Variants in PLCH2 observed in about 807,000 individuals in gnomAD.
The protein encoded by PLCH2 is 1-phosphatidylinositol 4,5-bisphosphate phosphodiesterase eta-2.
Under a neutral mutation model 134.7 loss-of-function variants are expected in PLCH2, and 98 were observed. The observed-to-expected ratio is 0.73, with a 90% CI of 0.62 to 0.86. PLCH2 has a LOEUF of 0.86. Ranked by LOEUF, PLCH2 falls within the 40% of genes least tolerant of loss-of-function variation. The pLI is 0.00. For missense variants in PLCH2, 1,994 were observed against 1,986.6 expected, an observed-to-expected ratio of 1.00 and a Z score of -0.07; for synonymous variants, 974 against 827.5, an observed-to-expected ratio of 1.18 and a Z score of -3.04.
In PLCH2 at chr1:2,496,995, G is replaced by A. The variant is rs962073844; in HGVS notation, c.2101G>A (p.Ala701Thr). The A allele has an allele frequency of 6.2e-6, 10 of 1,612,850 alleles. No homozygotes were observed. The highest frequency in any genetic ancestry group is 3.3e-5 in the Admixed American group (2 of 59,984). The change falls in exon 15 of 22, where the codon GCC becomes ACC. Residue 701 changes from alanine (A) to threonine (T), a missense_variant. Transcript: ENST00000378486. ...CTACAACCCGCAGCCCTTCTGGAAC[G>A]CCGGCTGCCAAATGGGTGGGTGCGG... ...SNYNPQPFWNAGCQMVALNYQ... is the reference protein window; with the variant it reads ...SNYNPQPFWNTGCQMVALNYQ...
At chr1:2,432,776 C>T (rs756922874) in intron 2 of PLCH2, among the ~76,000 whole-genome samples, 89 of 152,300 alleles carry the variant, frequency 5.8e-4, no homozygotes, top group Non-Finnish European at 9.4e-4. Flanking sequence ...CTTGCCTGGA[C>T]GGACACCGCC....
At chr1:2,484,648 C>T in intron 5 of PLCH2, 30 bp downstream of exon 5, 1 of 1,603,584 alleles carries the variant, frequency 6.2e-7, no homozygotes, top group Non-Finnish European at 8.5e-7. Context: ...TGTTGGGGGG[C>T]CAGCCATCAG....
chr1:2,446,364 G>C lies in PLCH2; in HGVS notation c.115+15735G>C, dbSNP rs115904313. 4.9e-3 allele frequency among the ~76,000 whole-genome samples: 751 copies of C among 152,336 alleles called. 7 individuals carry two copies. Among genetic ancestry groups the C allele is most frequent in the African/African-American group, 0.017 (713 of 41,566 alleles). On this transcript the variant is annotated intron_variant, in intron 2 of 3. Coordinates refer to the PLCH2 transcript ENST00000609981. ...CAGCCCTGCCTGCGATTTGGGGGTT[G>C]AGGCTGGAGTTAAGACCCTGTAGCC...
chr1:2,420,638 G>C, the PLCH2 span, among the ~76,000 whole-genome samples: 1 of 152,220 alleles, frequency 6.6e-6, no homozygotes, highest in African/African-American at 2.4e-5. Context: ...AACTGAGTCA[G>C]AGAGGGAGAG....
intron 2 of PLCH2, 156 bp from the exon 3 acceptor site, chr1:2,479,578 C>T (rs1641837169): frequency 4.4e-6 from 3 of 677,372 alleles, no homozygotes. Context: ...AGATCTTCAC[C>T]CTTGGTTCTT....
At position 2,476,659 on chromosome 1, in the gene PLCH2, TC is replaced by T; in HGVS notation, c.72del (p.Trp25GlyfsTer32). ...GTVAWLAEVL[L>X]WVGGSVVLSS... is the part of the protein sequence containing the mutation. ...GTGGCCTGGCTGGCGGAGGTACTCC[TC>T]TGGGTTGGAGGGAGTGTGGTGCTGT... On this transcript the variant is annotated frameshift_variant, in exon 1 of 22. Coordinates refer to ENST00000378486, the MANE Select transcript of PLCH2 (RefSeq NM_014638.4). LOFTEE classifies it high-confidence loss of function. The T allele has an allele frequency of 6.2e-7, 1 of 1,609,922 alleles. No individual in the cohort carries two copies. Among genetic ancestry groups the T allele is most frequent in the African/African-American group, 1.3e-5 (1 of 74,970 alleles).
chr1:2,461,303 A>T (rs1171888712), intron 2 of PLCH2, among the ~76,000 whole-genome samples: 1 of 152,172 alleles, frequency 6.6e-6, no homozygotes, highest in East Asian at 1.9e-4. Context: ...GGGGCTGGAC[A>T]CCTGACCCAC....
intron 2 of PLCH2, among the ~76,000 whole-genome samples, chr1:2,460,061 G>A (rs1640738575): frequency 1.3e-5 from 2 of 152,372 alleles, no homozygotes; most frequent in African/African-American, 2.4e-5. Context: ...TGCTCCAGCT[G>A]GCGCTGTCCA....
Position 2,476,373 on chromosome 1 carries a change from C to T in PLCH2, c.-216C>T. 1 of 467,020 alleles carries T rather than the reference C, an allele frequency of 2.1e-6. No homozygotes were observed. The highest frequency in any genetic ancestry group is 3.4e-5 in the East Asian group (1 of 29,172). The allele number at this position is 467,020 out of a possible 1,614,324, so 28.9% of individuals were successfully genotyped here. A position where few individuals can be genotyped will look rare whatever the true frequency, so the allele number is the denominator to read the frequency against. ...AGGGTGGATAGGCTGGCCTGGGGGC[C>T]ATCAGGACAGCAGGTGACGGTCAGG... On this transcript the variant is annotated 5_prime_UTR_variant, in exon 1 of 22. Transcript: ENST00000378486.
chr1:2,503,910 A>ACCCCCCCCC lies in PLCH2; in HGVS notation c.2960-10_2960-9insCCCCCCCCC. The ACCCCCCCCC allele has an allele frequency of 7.5e-6, 2 of 266,698 alleles. No homozygotes were observed. Among genetic ancestry groups the ACCCCCCCCC allele is most frequent in the Non-Finnish European group, 1.3e-5 (2 of 153,080 alleles). The allele number at this position is 266,698 out of a possible 1,614,324, so 16.5% of individuals were successfully genotyped here. The stretch of plus-strand genomic sequence containing the variant: ...CCCTCTGGCTCTCTCTCACTCCCCC[A>ACCCCCCCCC]CCTCCCCACAGACACCCGCCCCCTC... On this transcript the variant is annotated splice_polypyrimidine_tract_variant and intron_variant, in intron 21 of 21. Coordinates refer to ENST00000378486, the MANE Select transcript of PLCH2 (RefSeq NM_014638.4).
intron 4 of PLCH2, 44 bp from the exon 5 acceptor site, chr1:2,484,404 C>A (rs1437295976): frequency 2.5e-6 from 4 of 1,602,100 alleles, no homozygotes; most frequent in Non-Finnish European, 3.4e-6. Flanking sequence ...TGCATGCAGG[C>A]CCTGGTCGAG....
upstream of PLCH2, among the ~76,000 whole-genome samples, chr1:2,423,164 AGTTTTTTT>A (rs1398861393): frequency 3.4e-5 from 5 of 147,118 alleles, no homozygotes; most frequent in Admixed American, 3.4e-4. Context: ...GGTTTTATTT[AGTTTTTTT>A]GTTTGTTTGT....
the PLCH2 span, among the ~76,000 whole-genome samples, chr1:2,417,414 C>T: frequency 1.2e-5 from 1 of 81,792 alleles, no homozygotes; most frequent in Non-Finnish European, 3.3e-5. Flanking sequence ...GTGGGCCCTG[C>T]CCAGCTTCCC....
chr1:2,489,092 G>C, intron 8 of PLCH2, 115 bp from the exon 9 acceptor site: 1 of 948,612 alleles, frequency 1.1e-6, no homozygotes. Flanking sequence ...CTGGGTTCCT[G>C]GTGAAGACCC....
At chr1:2,426,390 C>G (rs1412166900) in intron 1 of PLCH2, among the ~76,000 whole-genome samples, 1 of 152,246 alleles carries the variant, frequency 6.6e-6, no homozygotes, top group African/African-American at 2.4e-5. Flanking sequence ...GCTTCTAACA[C>G]TGAGTGGGGC....
chr1:2,501,887 G>A (rs1433138415), intron 20 of PLCH2: 2 of 479,130 alleles, frequency 4.2e-6, no homozygotes, highest in Non-Finnish European at 7.3e-6. Flanking sequence ...TGGGCCATGT[G>A]TACTTAGATC....
Position 2,489,491 on chromosome 1 carries a change from G to C in PLCH2, c.1407+113G>C, listed in dbSNP as rs573320342. The C allele has an allele frequency of 6.9e-6, 8 of 1,165,684 alleles. No individual in the cohort carries two copies. In the Admixed American group the frequency reaches 1.3e-4, roughly 18 times the overall value. 72.2% of individuals were successfully genotyped at this position (1,165,684 alleles called of 1,614,324 possible). On this transcript the variant is annotated intron_variant, in intron 9 of 21. Transcript: ENST00000378486. ...TGCCATCCATGGGCATATCTAGGGG[G>C]CTGAGGGCTGGCCACGCTCCTGACC...
At chr1:2,461,917 C>T (rs1032967004) in intron 2 of PLCH2, among the ~76,000 whole-genome samples, 6 of 152,072 alleles carry the variant, frequency 3.9e-5, no homozygotes, top group Admixed American at 2.6e-4. Context: ...CACCCGGGAC[C>T]CCCTGTCCCA....
the PLCH2 span, among the ~76,000 whole-genome samples, chr1:2,417,865 T>C: frequency 6.6e-6 from 1 of 152,196 alleles, no homozygotes; most frequent in Admixed American, 6.5e-5. Flanking sequence ...TGGCCTCAGC[T>C]TCCTCACCTG....
Sources: allele counts gnomAD v4.1 joint callset (sites outside exome capture counted in the v4.1 genomes callset), GRCh38; gene constraint gnomAD v4.1.1; transcripts MANE v1.5; gene names NCBI Gene and HGNC (gene_info 2026-07-23, HGNC 2026-07-21).